The following STAU1 variants were observed in gnomAD, a reference collection of about 807,000 sequenced individuals.
STAU1 encodes staufen double-stranded RNA binding protein 1, also known as double-stranded RNA-binding protein Staufen homolog 1.
Under a neutral mutation model 62.9 loss-of-function variants are expected in STAU1, and 13 were observed. The observed-to-expected ratio is 0.21, with a 90% CI of 0.13 to 0.33. The LOEUF is 0.33. Among genes scored for constraint, STAU1 ranks in the 10% least tolerant of loss-of-function variants. The probability of loss-of-function intolerance (pLI) is 1.00; values close to 1 mark genes in which losing one functional copy is unlikely to be tolerated. For missense variants in STAU1, 571 were observed against 712.1 expected, an observed-to-expected ratio of 0.80 and a Z score of 2.25; for synonymous variants, 269 against 265.1, an observed-to-expected ratio of 1.01 and a Z score of -0.14.
At chr20:49,178,590 A>T (rs1048698463) in intron 1 of STAU1, among the ~76,000 whole-genome samples, 2 of 152,028 alleles carry the variant, frequency 1.3e-5, no homozygotes, top group African/African-American at 4.8e-5. Context: ...CTCTACTAAA[A>T]ATAAAAAAAA....
intron 5 of STAU1, among the ~76,000 whole-genome samples, chr20:49,136,332 C>T (rs1321443315): frequency 6.6e-6 from 1 of 152,146 alleles, no homozygotes; most frequent in Non-Finnish European, 1.5e-5. Flanking sequence ...AACATCCTAG[C>T]TGCAATGGTA....
chr20:49,195,903 A>AAAAAAAGAAAAAAAAAG, the STAU1 span, among the ~76,000 whole-genome samples: 1 of 94,394 alleles, frequency 1.1e-5, no homozygotes, highest in South Asian at 5.6e-4. Flanking sequence ...CCTCTCAAAA[A>AAAAAAAGAAAAAAAAAG]AAAAAAAAAA....
At chr20:49,136,793 G>T (rs182387708) in intron 5 of STAU1, among the ~76,000 whole-genome samples, 2 of 152,068 alleles carry the variant, frequency 1.3e-5, no homozygotes, top group African/African-American at 4.8e-5. Flanking sequence ...CACCTCCCAG[G>T]TTCAAGCGAT....
At chr20:49,162,633 G>A (rs1465868171) in intron 3 of STAU1, among the ~76,000 whole-genome samples, 1 of 151,666 alleles carries the variant, frequency 6.6e-6, no homozygotes, top group East Asian at 2.0e-4. Context: ...AAAATTAGCC[G>A]GGCATGGTGG....
At chr20:49,207,300 C>G in the STAU1 span, among the ~76,000 whole-genome samples, 2 of 152,130 alleles carry the variant, frequency 1.3e-5, no homozygotes, top group South Asian at 2.1e-4. Context: ...GAGTGTCCAC[C>G]ATGCCACTTT....
At chr20:49,217,308 T>A in the STAU1 span, among the ~76,000 whole-genome samples, 1 of 152,020 alleles carries the variant, frequency 6.6e-6, no homozygotes, top group South Asian at 2.1e-4. Flanking sequence ...TGCTGGCAGA[T>A]CCTAACAAGG....
At chr20:49,187,872 G>C (rs1262698745) in intron 1 of STAU1, among the ~76,000 whole-genome samples, 7 of 149,164 alleles carry the variant, frequency 4.7e-5, no homozygotes, top group African/African-American at 1.7e-4. Flanking sequence ...GCACCTGTTT[G>C]TGGCACCGGT....
At chr20:49,156,401 T>C (rs1045589445) in intron 3 of STAU1, among the ~76,000 whole-genome samples, 1 of 152,212 alleles carries the variant, frequency 6.6e-6, no homozygotes, top group African/African-American at 2.4e-5. Context: ...TTGTCACTGG[T>C]AGTGTAGAAT....
chr20:49,160,199 A>C (rs1283303280), intron 3 of STAU1, among the ~76,000 whole-genome samples: 1 of 152,230 alleles, frequency 6.6e-6, no homozygotes, highest in East Asian at 1.9e-4. Flanking sequence ...TAACAAGCTG[A>C]GACTCAAACC....
intron 3 of STAU1, among the ~76,000 whole-genome samples, chr20:49,154,321 A>G (rs2093320162): frequency 6.6e-6 from 1 of 152,244 alleles, no homozygotes. Flanking sequence ...TTAACCCAAG[A>G]CATTATCAGT....
At chr20:49,126,165 A>G (rs2092607458) in intron 6 of STAU1, among the ~76,000 whole-genome samples, 1 of 151,900 alleles carries the variant, frequency 6.6e-6, no homozygotes, top group Non-Finnish European at 1.5e-5. Context: ...ATATGAAACT[A>G]AAAGCACAAT....
chr20:49,199,204 G>C, the STAU1 span, among the ~76,000 whole-genome samples: 3 of 151,762 alleles, frequency 2.0e-5, no homozygotes, highest in Non-Finnish European at 4.4e-5. Context: ...GGAACTTTTT[G>C]GACTACAGGT....
chr20:49,129,730 G>C (rs1011381184), intron 6 of STAU1, among the ~76,000 whole-genome samples: 1 of 150,514 alleles, frequency 6.6e-6, no homozygotes, highest in Non-Finnish European at 1.5e-5. Context: ...TGACTCCCAG[G>C]TTCAAGCGAT....
At chr20:49,161,638 A>G (rs925674672) in intron 3 of STAU1, among the ~76,000 whole-genome samples, 2 of 152,216 alleles carry the variant, frequency 1.3e-5, no homozygotes, top group Admixed American at 6.5e-5. Context: ...TAACTCATTC[A>G]CAAGACACAA....
intron 3 of STAU1, 110 bp from the exon 4 acceptor site, chr20:49,154,181 A>C: frequency 8.4e-7 from 1 of 1,185,952 alleles, no homozygotes; most frequent in Non-Finnish European, 1.2e-6. Flanking sequence ...GATACTTTAC[A>C]TAAAAGGACC....
At chr20:49,132,033 T>A (rs957594049) in intron 6 of STAU1, among the ~76,000 whole-genome samples, 1 of 146,850 alleles carries the variant, frequency 6.8e-6, no homozygotes, top group Non-Finnish European at 1.5e-5. Flanking sequence ...GATGCACTCT[T>A]TTTTTTTTTG....
intron 3 of STAU1, among the ~76,000 whole-genome samples, chr20:49,156,542 G>A (rs1420189967): frequency 6.6e-6 from 1 of 152,102 alleles, no homozygotes; most frequent in Non-Finnish European, 1.5e-5. Flanking sequence ...CTACCAAAAG[G>A]GCTGACTATG....
chr20:49,193,661 C>T, the STAU1 span, among the ~76,000 whole-genome samples: 15 of 136,282 alleles, frequency 1.1e-4, no homozygotes, highest in African/African-American at 3.5e-4. Flanking sequence ...CTGGCAACAG[C>T]GCAAGAATCC....
the STAU1 span, among the ~76,000 whole-genome samples, chr20:49,197,342 T>C: frequency 6.7e-6 from 1 of 150,066 alleles, no homozygotes; most frequent in African/African-American, 2.4e-5. Flanking sequence ...ATTTGTAAAA[T>C]AAAAAGTTGT....
Sources: gnomAD v4.1 joint callset for allele counts (sites outside exome capture counted in the v4.1 genomes callset) on GRCh38, gnomAD v4.1.1 for gene constraint, MANE v1.5 for transcripts, NCBI Gene and HGNC (gene_info 2026-07-23, HGNC 2026-07-21) for gene names.